Variants in OXCT1 observed in about 807,000 individuals in gnomAD.
OXCT1 encodes the protein succinyl-CoA:3-ketoacid coenzyme A transferase 1, mitochondrial.
Under a neutral mutation model 69.6 loss-of-function variants are expected in OXCT1, and 27 were observed. The observed-to-expected ratio is 0.39, with a 90% confidence interval of 0.29 to 0.54. OXCT1 has a LOEUF of 0.54. OXCT1 is among the 20% of genes least tolerant of loss of function. The pLI is 0.72. For synonymous variants in OXCT1, 202 were observed against 217.8 expected, an observed-to-expected ratio of 0.93 and a Z score of 0.64; for missense variants, 437 against 650.2, an observed-to-expected ratio of 0.67 and a Z score of 3.57.
intron 7 of OXCT1, among the ~76,000 whole-genome samples, chr5:41,818,784 T>C (rs1747380340): frequency 1.3e-5 from 2 of 152,090 alleles, no homozygotes; most frequent in South Asian, 4.1e-4. Context: ...AAGACAAAAA[T>C]TAACAAAAGG....
intron 13 of OXCT1, among the ~76,000 whole-genome samples, chr5:41,773,712 G>A (rs1237025047): frequency 6.8e-6 from 1 of 147,766 alleles, no homozygotes; most frequent in Non-Finnish European, 1.5e-5. Flanking sequence ...GAGGTAAAAA[G>A]CATATATAGG....
intron 2 of OXCT1, 23 bp downstream of exon 2, chr5:41,862,619 A>G (rs1227410114): frequency 1.6e-6 from 2 of 1,246,472 alleles, no homozygotes; most frequent in East Asian, 2.3e-5. Flanking sequence ...TTACCATAAC[A>G]TGAAAACAGT....
chr5:41,815,485 A>G (rs1055386896), intron 7 of OXCT1, among the ~76,000 whole-genome samples: 3 of 152,162 alleles, frequency 2.0e-5, no homozygotes, highest in Non-Finnish European at 4.4e-5. Context: ...AGCTGCTAAC[A>G]TTTTTTGTTT....
chr5:41,782,259 G>A (rs1745444688), intron 13 of OXCT1, among the ~76,000 whole-genome samples: 1 of 151,268 alleles, frequency 6.6e-6, no homozygotes, highest in Non-Finnish European at 1.5e-5. Flanking sequence ...CTGCTGCCCA[G>A]GCTGGAGTGC....
intron 15 of OXCT1, among the ~76,000 whole-genome samples, chr5:41,740,229 A>G (rs903928705): frequency 5.9e-5 from 9 of 152,194 alleles, no homozygotes; most frequent in African/African-American, 2.2e-4. Context: ...AAGTTTATAA[A>G]TGATATTGGG....
At chr5:41,832,294 G>A (rs916875638) in intron 7 of OXCT1, among the ~76,000 whole-genome samples, 15 of 151,996 alleles carry the variant, frequency 9.9e-5, no homozygotes, top group African/African-American at 3.4e-4. Flanking sequence ...ATAGGGATGT[G>A]TTTGTATCAC....
At position 41,853,572 on chromosome 5, in the gene OXCT1, G is replaced by A; in HGVS notation, c.279-18C>T. 1 of 1,612,696 alleles carries A rather than the reference G, an allele frequency of 6.2e-7. No individual in the cohort carries two copies. Among genetic ancestry groups the A allele is most frequent in the East Asian group, 2.2e-5 (1 of 44,788 alleles). ...TGTCAACCCTAGAAGGAAAATGAAG[G>A]GAGCTTACCAAAGAGCATCTGACAG... On this transcript the variant is annotated intron_variant, in intron 3 of 16. Transcript: ENST00000196371.
intron 3 of OXCT1, among the ~76,000 whole-genome samples, chr5:41,854,173 C>G (rs913276562): frequency 7.0e-6 from 1 of 143,028 alleles, no homozygotes; most frequent in African/African-American, 2.5e-5. Context: ...TTAACAAAAA[C>G]AAGCAAAAAA....
intron 11 of OXCT1, among the ~76,000 whole-genome samples, chr5:41,795,318 C>CG (rs1374736789): frequency 1.3e-5 from 2 of 152,156 alleles, no homozygotes; most frequent in Non-Finnish European, 2.9e-5. Context: ...GGCCATGGAC[C>CG]GGTACTGGTC....
At chr5:41,757,481 C>T (rs1301185887) in intron 14 of OXCT1, among the ~76,000 whole-genome samples, 4 of 152,052 alleles carry the variant, frequency 2.6e-5, no homozygotes, top group Non-Finnish European at 5.9e-5. Flanking sequence ...CCCCATAAGA[C>T]TGGGCTGCCT....
intron 5 of OXCT1, chr5:41,843,561 C>T (rs756525417): frequency 2.2e-6 from 1 of 456,068 alleles, no homozygotes; most frequent in South Asian, 1.5e-5. Context: ...GAACATAAAG[C>T]AAAACTGTCT....
At chr5:41,842,534 C>A in intron 6 of OXCT1, 141 bp downstream of exon 6, 3 of 723,160 alleles carry the variant, frequency 4.1e-6, no homozygotes, top group African/African-American at 1.7e-5. Context: ...CAGCCCTGCA[C>A]ACACCTATAT....
chr5:41,837,566 A>C (rs1206607796), intron 7 of OXCT1, among the ~76,000 whole-genome samples: 2 of 151,634 alleles, frequency 1.3e-5, no homozygotes, highest in African/African-American at 4.8e-5. Flanking sequence ...ACTAGAACAA[A>C]AAAAAAAAAG....
chr5:41,736,254 G>A (rs1251845119), intron 16 of OXCT1, among the ~76,000 whole-genome samples: 1 of 152,132 alleles, frequency 6.6e-6, no homozygotes, highest in Non-Finnish European at 1.5e-5. Flanking sequence ...TCAGGTTCCA[G>A]AAATATAATC....
intron 5 of OXCT1, among the ~76,000 whole-genome samples, chr5:41,845,955 T>C (rs1036746774): frequency 3.3e-5 from 5 of 152,260 alleles, no homozygotes; most frequent in African/African-American, 1.2e-4. Context: ...AATATGCTTA[T>C]GTAGCATTTT....
chr5:41,849,890 G>T, intron 5 of OXCT1, 140 bp downstream of exon 5: 4 of 872,298 alleles, frequency 4.6e-6, no homozygotes, highest in Non-Finnish European at 7.6e-6. Flanking sequence ...GATTTAGCTA[G>T]AAATTTCACC....
chr5:41,826,338 TA>T (rs1285514148), intron 7 of OXCT1, among the ~76,000 whole-genome samples: 1 of 152,204 alleles, frequency 6.6e-6, no homozygotes, highest in Non-Finnish European at 1.5e-5. Flanking sequence ...AGGGAAAGGT[TA>T]CAGAGGATGT....
At chr5:41,782,628 T>C (rs1274283896) in intron 13 of OXCT1, among the ~76,000 whole-genome samples, 2 of 152,168 alleles carry the variant, frequency 1.3e-5, no homozygotes, top group Non-Finnish European at 2.9e-5. Context: ...TTAAGTTCCT[T>C]CCAGACTCTG....
chr5:41,775,444 A>G (rs948173765), intron 13 of OXCT1, among the ~76,000 whole-genome samples: 1 of 143,742 alleles, frequency 7.0e-6, no homozygotes, highest in Non-Finnish European at 1.6e-5. Context: ...TGTATAGGGC[A>G]AGGTTTGAGG....
Sources: gnomAD v4.1 joint callset for allele counts (sites outside exome capture counted in the v4.1 genomes callset) on GRCh38, gnomAD v4.1.1 for gene constraint, MANE v1.5 for transcripts, NCBI Gene and HGNC (gene_info 2026-07-23, HGNC 2026-07-21) for gene names.